OPCML: variants seen among roughly 807,000 people sequenced by gnomAD.
OPCML encodes opioid-binding protein/cell adhesion molecule.
In OPCML, 13 loss-of-function variants were observed where a neutral mutation model predicts 37.8. The ratio of observed to expected loss-of-function variants is 0.34; its 90% CI spans 0.22 to 0.55. The LOEUF (loss-of-function observed/expected upper bound fraction) is 0.55, where lower values mean the gene tolerates loss of function less well. Among genes scored for constraint, OPCML ranks in the 20% least tolerant of loss-of-function variants. OPCML has a pLI of 0.91. For synonymous variants in OPCML, 176 were observed against 168.8 expected, an observed-to-expected ratio of 1.04 and a Z score of -0.33; for missense variants, 341 against 435.6, an observed-to-expected ratio of 0.78 and a Z score of 1.93.
At chr11:133,049,316 A>C (rs1239446968) in intron 1 of OPCML, among the ~76,000 whole-genome samples, 1 of 152,192 alleles carries the variant, frequency 6.6e-6, no homozygotes, top group East Asian at 1.9e-4. Context: ...TGGAATTGTC[A>C]CCAGGGAGGA....
At chr11:133,157,719 T>C (rs1297995908) in intron 1 of OPCML, among the ~76,000 whole-genome samples, 1 of 152,126 alleles carries the variant, frequency 6.6e-6, no homozygotes, top group African/African-American at 2.4e-5. Context: ...CAAGTGAAAA[T>C]TGTACCCATC....
chr11:132,684,835 T>C (rs1943101800), intron 2 of OPCML, among the ~76,000 whole-genome samples: 1 of 152,202 alleles, frequency 6.6e-6, no homozygotes, highest in South Asian at 2.1e-4. Context: ...TCAATGTCTC[T>C]TCTGGGTTGA....
At chr11:133,313,762 T>G (rs1943122187) in intron 1 of OPCML, among the ~76,000 whole-genome samples, 1 of 152,186 alleles carries the variant, frequency 6.6e-6, no homozygotes, top group South Asian at 2.1e-4. Flanking sequence ...ACCGACACCC[T>G]GATTTTAGCC....
intron 1 of OPCML, among the ~76,000 whole-genome samples, chr11:133,372,185 G>A (rs547417883): frequency 5.3e-5 from 8 of 152,150 alleles, no homozygotes; most frequent in Non-Finnish European, 8.8e-5. Context: ...GACTTGAAAT[G>A]TTCCCAAAAC....
intron 1 of OPCML, among the ~76,000 whole-genome samples, chr11:133,083,828 G>C (rs1019269518): frequency 2.0e-4 from 31 of 152,210 alleles, no homozygotes; most frequent in Non-Finnish European, 2.9e-5. Flanking sequence ...TGCACGGAAG[G>C]TTGCGGAATG....
In OPCML at chr11:133,212,612, T is replaced by A. The variant is rs1168004350; in HGVS notation, c.62-269602A>T. 3.9e-5 allele frequency among the ~76,000 whole-genome samples: 6 copies of A among 152,248 alleles called. No individual in the cohort carries two copies. Among genetic ancestry groups the A allele is most frequent in the African/African-American group, 1.4e-4 (6 of 41,476 alleles). On this transcript the variant is annotated intron_variant, in intron 1 of 7. Coordinates refer to ENST00000524381, the MANE Select transcript of OPCML (RefSeq NM_001012393.5). This position sits in a 1 kb window ranked among gnomAD's most constrained non-coding sequence, Gnocchi z 4.9. ...TTACTTTCTCACTTGTCCAAAGCCC[T>A]TGTCATCTTCTAACAGCCTCTGTGA... is the stretch of plus-strand genomic sequence containing the variant.
intron 1 of OPCML, among the ~76,000 whole-genome samples, chr11:133,119,033 C>T (rs1313973646): frequency 6.6e-6 from 1 of 152,156 alleles, no homozygotes. Context: ...TGGATAATCA[C>T]TTTTTTAGAG....
chr11:133,377,996 G>T (rs751162892), intron 1 of OPCML, among the ~76,000 whole-genome samples: 1 of 152,236 alleles, frequency 6.6e-6, no homozygotes. Context: ...AGTTTAATAC[G>T]CCATATTGAG....
chr11:132,629,383 T>C (rs1164941734), intron 3 of OPCML, among the ~76,000 whole-genome samples: 1 of 152,190 alleles, frequency 6.6e-6, no homozygotes, highest in Non-Finnish European at 1.5e-5. Flanking sequence ...AAATGAGAAT[T>C]ATATGCAACA....
chr11:133,253,012 G>A (rs1214311611), intron 1 of OPCML, among the ~76,000 whole-genome samples: 1 of 152,006 alleles, frequency 6.6e-6, no homozygotes, highest in African/African-American at 2.4e-5. Flanking sequence ...TGGGCGTGGT[G>A]GTGGGCACCG....
chr11:132,858,118 G>T (rs775135595), intron 2 of OPCML, among the ~76,000 whole-genome samples: 1 of 152,176 alleles, frequency 6.6e-6, no homozygotes, highest in Non-Finnish European at 1.5e-5. Flanking sequence ...AGAAAAACTA[G>T]GAAGGAAGAG....
At chr11:132,782,583 G>C (rs896242927) in intron 2 of OPCML, among the ~76,000 whole-genome samples, 2 of 152,024 alleles carry the variant, frequency 1.3e-5, no homozygotes, top group African/African-American at 2.4e-5. Flanking sequence ...CCCGCTTTTT[G>C]GCTACTGGAG....
intron 2 of OPCML, among the ~76,000 whole-genome samples, chr11:132,823,093 G>T (rs1246680221): frequency 6.6e-6 from 1 of 152,076 alleles, no homozygotes; most frequent in Non-Finnish European, 1.5e-5. Flanking sequence ...TATCTCAAAA[G>T]AATACCTTAC....
chr11:132,921,918 C>T (rs1944819336), intron 2 of OPCML, among the ~76,000 whole-genome samples: 1 of 151,946 alleles, frequency 6.6e-6, no homozygotes, highest in African/African-American at 2.4e-5. Flanking sequence ...CTCGCTCTAT[C>T]ACCCAGGCTG....
intron 1 of OPCML, among the ~76,000 whole-genome samples, chr11:133,015,543 C>T (rs146820580): frequency 6.6e-6 from 1 of 152,048 alleles, no homozygotes; most frequent in East Asian, 1.9e-4. Flanking sequence ...GACATGAACC[C>T]ATAATTATAC....
chr11:133,294,917 A>G (rs4294570), intron 1 of OPCML, among the ~76,000 whole-genome samples: 95,641 of 147,850 alleles, frequency 0.65, 32,029 homozygotes, highest in East Asian at 0.85. Flanking sequence ...TCCGCCTCCC[A>G]GGTTGAAGCA....
intron 2 of OPCML, among the ~76,000 whole-genome samples, chr11:132,675,553 T>TA (rs1043363647): frequency 1.8e-4 from 27 of 151,484 alleles, no homozygotes; most frequent in African/African-American, 6.1e-4. Flanking sequence ...TCCACCAAAA[T>TA]AAAAAAACGC....
chr11:132,847,206 C>T (rs1005762951), intron 2 of OPCML, among the ~76,000 whole-genome samples: 7 of 152,084 alleles, frequency 4.6e-5, no homozygotes, highest in African/African-American at 7.2e-5. Context: ...ATAAAAAGAA[C>T]GAAAACCAGT....
In OPCML at chr11:132,418,056, T is replaced by C. The variant is rs991021445; in HGVS notation, c.*2137A>G. 1 of 152,208 alleles carries C rather than the reference T, an allele frequency of 6.6e-6. No homozygotes were observed. The highest frequency in any genetic ancestry group is 2.4e-5 in the African/African-American group (1 of 41,454). The allele number at this position is 152,208 out of a possible 1,614,324, so 9.4% of individuals were successfully genotyped here. Reference sequence around the variant, plus strand: ...TAGCCTATGTTTGTATGTATGTATATATGTATAGATATCTCTGTGTGTGTT... The same window carrying C: ...TAGCCTATGTTTGTATGTATGTATACATGTATAGATATCTCTGTGTGTGTT... On this transcript the variant is annotated 3_prime_UTR_variant, in exon 8 of 8. Coordinates refer to ENST00000524381, the MANE Select transcript of OPCML (RefSeq NM_001012393.5).
Sources: allele counts gnomAD v4.1 joint callset (sites outside exome capture counted in the v4.1 genomes callset), GRCh38; gene constraint gnomAD v4.1.1; non-coding constraint Gnocchi (gnomAD v3.1); transcripts MANE v1.5; gene names NCBI Gene and HGNC (gene_info 2026-07-23, HGNC 2026-07-21).